COX15: variants seen among roughly 807,000 people sequenced by gnomAD.
COX15 encodes heme A synthase COX15.
In COX15, 51 loss-of-function variants were observed where a neutral mutation model predicts 51.9. The ratio of observed to expected loss-of-function variants is 0.98; its 90% confidence interval spans 0.78 to 1.24. The LOEUF (loss-of-function observed/expected upper bound fraction) is 1.24, where lower values mean the gene tolerates loss of function less well. COX15 is among the 50% of genes most tolerant of loss of function. The pLI is 0.00. For synonymous variants in COX15, 188 were observed against 190.5 expected (o/e 0.99, Z 0.11); for missense variants, 420 against 501.1 (o/e 0.84, Z 1.55).
Position 99,726,979 on chromosome 10 carries a change from C to A in COX15, c.571G>T (p.Val191Phe). The A allele has an allele frequency of 1.2e-6, 2 of 1,613,410 alleles. No homozygotes were observed. Among genetic ancestry groups the A allele is most frequent in the South Asian group, 1.1e-5 (1 of 91,064 alleles). Residue 191 changes from valine to phenylalanine, a missense_variant, in exon 4 of 9, where the codon GTC becomes TTC. Coordinates refer to ENST00000016171, the MANE Select transcript of COX15 (RefSeq NM_078470.6). ...TGAATAAATCTTACCTGGAAGCAGACGAGGCCACAGAGGGCAAGAACACGT... is the reference window on the plus strand; with the variant it reads ...TGAATAAATCTTACCTGGAAGCAGAAGAGGCCACAGAGGGCAAGAACACGT... ...KGRVLALCGL[V>F]CFQGLLGWYM...
At chr10:99,706,659 C>T (rs996646909), downstream of COX15, among the ~76,000 whole-genome samples, 9 of 152,074 alleles carry the variant, frequency 5.9e-5, no homozygotes, top group Non-Finnish European at 1.3e-4. Context: ...AAATCTCTTA[C>T]CTTTCATTAG....
rs372570676 is a variant in COX15, at chr10:99,729,537, C to T, written c.272+16G>A. 78 of 1,610,608 alleles carry T rather than the reference C, an allele frequency of 4.8e-5. No individual in the cohort carries two copies. Among genetic ancestry groups the T allele is most frequent in the East Asian group, 4.7e-4 (21 of 44,876 alleles). Reference sequence around the variant, plus strand: ...GATGATCCAAATACCTGACTCACTACGAGCAAATTACTTACCTAGTTACTC... The same window carrying T: ...GATGATCCAAATACCTGACTCACTATGAGCAAATTACTTACCTAGTTACTC... On this transcript the variant is annotated intron_variant, in intron 2 of 8. Transcript: ENST00000016171.
chr10:99,716,285 G>A, intron 8 of COX15, 63 bp downstream of exon 8: 1 of 1,181,608 alleles, frequency 8.5e-7, no homozygotes, highest in Non-Finnish European at 1.3e-6. Flanking sequence ...GAGCCACTGT[G>A]CCCGGCCCCT....
intron 1 of COX15, 107 bp downstream of exon 1, chr10:99,731,853 A>T (rs1385424610): frequency 2.1e-6 from 3 of 1,413,836 alleles, no homozygotes; most frequent in Non-Finnish European, 9.7e-7. Flanking sequence ...TTGTGAGTGC[A>T]CTGTAAGGAG....
At chr10:99,697,005 C>T in the COX15 span, among the ~76,000 whole-genome samples, 3 of 152,168 alleles carry the variant, frequency 2.0e-5, no homozygotes, top group South Asian at 2.1e-4. Flanking sequence ...CACTTACCTA[C>T]GTATACTTAA....
intron 8 of COX15, among the ~76,000 whole-genome samples, chr10:99,715,356 C>T (rs1378571731): frequency 3.9e-5 from 6 of 152,144 alleles, no homozygotes; most frequent in African/African-American, 1.2e-4. Flanking sequence ...CCAGGCTGGT[C>T]TTGAACTCCT....
At chr10:99,698,426 C>A in the COX15 span, 1 of 1,085,520 alleles carries the variant, frequency 9.2e-7, no homozygotes, top group Non-Finnish European at 1.3e-6. Flanking sequence ...CTAGAGATAT[C>A]ATGAAAACCA....
At chr10:99,708,163 C>T (rs2036288922), downstream of COX15, among the ~76,000 whole-genome samples, 2 of 152,146 alleles carry the variant, frequency 1.3e-5, no homozygotes, top group South Asian at 2.1e-4. Context: ...TATCCTGCCC[C>T]ACCCCCTCCT....
chr10:99,723,871 T>G, intron 5 of COX15, 85 bp downstream of exon 5: 1 of 1,475,590 alleles, frequency 6.8e-7, no homozygotes, highest in Middle Eastern at 2.4e-4. Context: ...AACTCCTATA[T>G]GATCCAGCAA....
chr10:99,710,588 G>T, downstream of COX15: 1 of 985,358 alleles, frequency 1.0e-6, no homozygotes. Context: ...AAACATTTTA[G>T]GTCAGTGTTG....
chr10:99,715,003 AAT>A (rs2036520535), intron 8 of COX15, among the ~76,000 whole-genome samples: 1 of 152,244 alleles, frequency 6.6e-6, no homozygotes, highest in Non-Finnish European at 1.5e-5. Context: ...TAGAGAAATA[AAT>A]ATATAGTTTT....
the COX15 span, among the ~76,000 whole-genome samples, chr10:99,702,297 A>G: frequency 6.6e-6 from 1 of 152,180 alleles, no homozygotes; most frequent in African/African-American, 2.4e-5. Flanking sequence ...TAAAAAAAAG[A>G]AAAAGAAAAA....
intron 2 of COX15, among the ~76,000 whole-genome samples, chr10:99,729,097 A>G (rs1008612941): frequency 3.3e-5 from 5 of 152,226 alleles, no homozygotes; most frequent in Non-Finnish European, 7.3e-5. Flanking sequence ...AAGCCATCAG[A>G]CATGTTCCTT....
At position 99,724,057 on chromosome 10, in the gene COX15, G is replaced by T. The variant is rs28939711; in HGVS notation, c.649C>A (p.Arg217=). ...EEKSDSHDIP[R]VSQYRLAAHL... is the part of the protein sequence containing the mutation. ...GCAGCAAGGCGGTACTGACTGACCC[G>T]AGGGATGTCATGGGAGTCTGATTTT... Residue 217 remains arginine, a synonymous_variant, in exon 5 of 9, where the codon CGG becomes AGG. Transcript: ENST00000016171. The T allele has an allele frequency of 1.2e-6, 2 of 1,614,114 alleles. No individual in the cohort carries two copies. Among genetic ancestry groups the T allele is most frequent in the African/African-American group, 2.7e-5 (2 of 75,034 alleles).
chr10:99,731,333 A>G (rs2037137303), intron 1 of COX15, among the ~76,000 whole-genome samples: 1 of 152,202 alleles, frequency 6.6e-6, no homozygotes, highest in African/African-American at 2.4e-5. Flanking sequence ...TGAGACCATG[A>G]TAAGGATTTC....
chr10:99,729,697 T>C lies in COX15; in HGVS notation c.128A>G (p.Tyr43Cys). 1.2e-6 allele frequency: 2 copies of C among 1,614,162 alleles called. No individual in the cohort carries two copies. Among genetic ancestry groups the C allele is most frequent in the Non-Finnish European group, 1.7e-6 (2 of 1,180,038 alleles). The change falls in exon 2 of 9, where the codon TAC becomes TGC. Residue 43 changes from tyrosine to cysteine, a missense_variant. By Grantham distance (194) the Tyr-to-Cys change is radical. Coordinates refer to ENST00000016171, the MANE Select transcript of COX15 (RefSeq NM_078470.6). ...CIRRPLRPGQ[Y>C]STISEVALQS... ...CAAAGCTACTTCAGAGATGGTGCTG[T>C]ATTGCCCTGGCCTCAAAGGGCGCCT...
At chr10:99,709,675 CATCT>C (rs2036324253), downstream of COX15, 1 of 985,286 alleles carries the variant, frequency 1.0e-6, no homozygotes, top group Non-Finnish European at 1.2e-6. Flanking sequence ...TTGGGTGTCC[CATCT>C]ACCCTGTTTT....
At chr10:99,727,249 G>T (rs572998291) in intron 3 of COX15, 95 bp from the exon 4 acceptor site, 26 of 1,483,548 alleles carry the variant, frequency 1.8e-5, no homozygotes, top group Non-Finnish European at 2.3e-5. Context: ...TCTCAGTCCT[G>T]CAACTTGGTA....
At position 99,718,420 on chromosome 10, in the gene COX15, G is replaced by C; in HGVS notation, c.913C>G (p.Leu305Val). The C allele has an allele frequency of 6.2e-7, 1 of 1,614,052 alleles. No homozygotes were observed. Among genetic ancestry groups the C allele is most frequent in the Non-Finnish European group, 8.5e-7 (1 of 1,179,984 alleles). ...CTCAGGATGGGGGAGAAGGTAAAGA[G>C]GTCCTCCGGGATCCAGGATTCTCCC... Reference protein sequence around the residue: ...KMGESWIPEDLFTFSPILRNV... With the variant: ...KMGESWIPEDVFTFSPILRNV... The change falls in exon 7 of 9, where the codon CTC (leucine) becomes GTC (valine). Residue 305 changes from leucine (L) to valine (V), a missense_variant. Physicochemically the swap from Leu to Val is conservative, Grantham distance 32. Coordinates refer to ENST00000016171, the MANE Select transcript of COX15 (RefSeq NM_078470.6).
Sources: gnomAD v4.1 joint callset for allele counts (sites outside exome capture counted in the v4.1 genomes callset) on GRCh38, gnomAD v4.1.1 for gene constraint, MANE v1.5 for transcripts, NCBI Gene and HGNC (gene_info 2026-07-23, HGNC 2026-07-21) for gene names.